APPBP2: variants seen among roughly 807,000 people sequenced by gnomAD.
The protein encoded by APPBP2 is amyloid beta precursor protein binding protein 2, also known as amyloid protein-binding protein 2.
Under a neutral mutation model 76.0 loss-of-function variants are expected in APPBP2, and 15 were observed. That is an observed-to-expected ratio of 0.20 (90% CI 0.13 to 0.30). APPBP2 has a LOEUF of 0.30. APPBP2 is among the 10% of genes least tolerant of loss of function. The probability of loss-of-function intolerance (pLI) is 1.00; values close to 1 mark genes in which losing one functional copy is unlikely to be tolerated. For synonymous variants in APPBP2, 222 were observed against 242.2 expected (o/e 0.92, Z 0.77); for missense variants, 401 against 687.2 (o/e 0.58, Z 4.66).
intron 2 of APPBP2, among the ~76,000 whole-genome samples, chr17:60,495,172 G>C (rs1486818414): frequency 6.6e-6 from 1 of 151,472 alleles, no homozygotes; most frequent in Non-Finnish European, 1.5e-5. Flanking sequence ...ATTTTTAGTA[G>C]AGACAGGGTC....
chr17:60,454,451 C>T lies in APPBP2; in HGVS notation c.1189G>A (p.Glu397Lys), dbSNP rs1163940413. 2 of 1,605,674 alleles carry T rather than the reference C, an allele frequency of 1.2e-6. No individual in the cohort carries two copies. The highest frequency in any genetic ancestry group is 3.4e-5 in the Admixed American group (2 of 58,130). ...TCTTGAAGCAGCCTCTGTTCAGTTT[C>T]CTTATTATGACAATCAATTGCAATC... ...EEIAIDCHNK[E>K]TEQRLLQEAH... Residue 397 changes from glutamate (E) to lysine (K), a missense_variant, in exon 11 of 13, where the codon GAA (glutamate) becomes AAA (lysine). This residue lies in a region of APPBP2 where 130 missense variants were observed against 322.7 expected (regional missense o/e 0.40). Transcript: ENST00000083182.
chr17:60,461,699 G>A, intron 8 of APPBP2, 111 bp downstream of exon 8: 1 of 694,060 alleles, frequency 1.4e-6, no homozygotes, highest in Non-Finnish European at 2.5e-6. Flanking sequence ...TATATTGGTG[G>A]GCGGGGTAGT....
At chr17:60,468,327 G>A (rs554069768) in intron 4 of APPBP2, 1 of 151,974 alleles carries the variant, frequency 6.6e-6, no homozygotes, top group Admixed American at 6.5e-5. Context: ...AAGTCCTTGA[G>A]AAAAAAAGGA....
chr17:60,449,518 C>T (rs772126103), intron 12 of APPBP2, among the ~76,000 whole-genome samples: 12 of 152,160 alleles, frequency 7.9e-5, no homozygotes, highest in Middle Eastern at 3.2e-3. Flanking sequence ...ATCGCTTGAA[C>T]CCAGGAGGTG....
chr17:60,462,650 A>G (rs1257514238), intron 6 of APPBP2: 1 of 152,300 alleles, frequency 6.6e-6, no homozygotes, highest in Admixed American at 6.5e-5. Context: ...TAATTTGCAT[A>G]TAGAAATATA....
intron 4 of APPBP2, among the ~76,000 whole-genome samples, chr17:60,471,997 G>A (rs1446491507): frequency 6.6e-6 from 1 of 152,082 alleles, no homozygotes; most frequent in Non-Finnish European, 1.5e-5. Flanking sequence ...GTGGTGGTGG[G>A]AGCCTGTAAT....
At chr17:60,524,332 G>T (rs1265840412) in intron 1 of APPBP2, among the ~76,000 whole-genome samples, 1 of 152,130 alleles carries the variant, frequency 6.6e-6, no homozygotes, top group African/African-American at 2.4e-5. Context: ...CACACACAAA[G>T]CTGCAGTTTC....
chr17:60,492,238 G>A (rs2090735912), intron 3 of APPBP2, among the ~76,000 whole-genome samples: 2 of 152,216 alleles, frequency 1.3e-5, no homozygotes, highest in Admixed American at 1.3e-4. Context: ...TGCATGTCCA[G>A]GCAGAAGTTT....
chr17:60,506,739 TA>T (rs1008601389), intron 1 of APPBP2, among the ~76,000 whole-genome samples: 1 of 152,080 alleles, frequency 6.6e-6, no homozygotes, highest in East Asian at 1.9e-4. Flanking sequence ...TTTTCTTTTT[TA>T]AAAAAAACAT....
In APPBP2 at chr17:60,497,483, C is replaced by T. The variant is rs115455543; in HGVS notation, c.228-2866G>A. The stretch of plus-strand genomic sequence containing the variant: ...ATAATTTAGTTCTACATTTTAATAA[C>T]TGAAAGAATATAACTGGATTGTCTG... On this transcript the variant is annotated intron_variant, in intron 2 of 12. Transcript: ENST00000083182. Among the ~76,000 whole-genome samples, 677 of 152,078 alleles carry T rather than the reference C, an allele frequency of 4.5e-3. 4 individuals are homozygous for T. The highest frequency in any genetic ancestry group is 0.015 in the African/African-American group (618 of 41,494).
At chr17:60,521,355 A>T (rs2091008492) in intron 1 of APPBP2, among the ~76,000 whole-genome samples, 1 of 152,220 alleles carries the variant, frequency 6.6e-6, no homozygotes, top group Non-Finnish European at 1.5e-5. Context: ...TGTTTATAAC[A>T]TCTACAGTAG....
chr17:60,449,956 C>T (rs529293444), intron 12 of APPBP2, among the ~76,000 whole-genome samples: 73 of 151,966 alleles, frequency 4.8e-4, no homozygotes, highest in African/African-American at 1.7e-3. Flanking sequence ...TGTACCACGC[C>T]CGGCTAATTT....
chr17:60,500,259 A>G, intron 2 of APPBP2, 140 bp downstream of exon 2: 1 of 572,104 alleles, frequency 1.7e-6, no homozygotes, highest in Non-Finnish European at 3.1e-6. Context: ...TGCCCACCTC[A>G]GCCTCCCAAA....
At chr17:60,490,704 C>T (rs182623605) in intron 3 of APPBP2, among the ~76,000 whole-genome samples, 75 of 152,208 alleles carry the variant, frequency 4.9e-4, no homozygotes, top group African/African-American at 1.7e-3. Context: ...TGGGAGGGAC[C>T]TGGTGGGAGA....
intron 1 of APPBP2, among the ~76,000 whole-genome samples, chr17:60,518,790 C>CA (rs1263714654): frequency 1.3e-5 from 2 of 151,988 alleles, no homozygotes; most frequent in African/African-American, 4.8e-5. Flanking sequence ...AAGAGTAAGC[C>CA]ACTGCTCCCT....
At chr17:60,468,760 GA>G (rs1378250656) in intron 4 of APPBP2, among the ~76,000 whole-genome samples, 1 of 152,048 alleles carries the variant, frequency 6.6e-6, no homozygotes, top group Non-Finnish European at 1.5e-5. Context: ...TCTGCCTAAG[GA>G]AAAAGGAGGT....
At position 60,446,409 on chromosome 17, in the gene APPBP2, T is replaced by C. The variant is rs1303043556; in HGVS notation, c.*1172A>G. The C allele has an allele frequency of 6.6e-6, 1 of 152,258 alleles. No individual in the cohort carries two copies. Among genetic ancestry groups the C allele is most frequent in the Non-Finnish European group, 1.5e-5 (1 of 68,026 alleles). 9.4% of individuals were successfully genotyped at this position (152,258 alleles called of 1,614,324 possible). A position where few individuals can be genotyped will look rare whatever the true frequency, so the allele number is the denominator to read the frequency against. On this transcript the variant is annotated 3_prime_UTR_variant, in exon 13 of 13. Coordinates refer to ENST00000083182, the MANE Select transcript of APPBP2 (RefSeq NM_006380.5). ...TTAGGGGATCTTTCCATTTGACTCCTAGATTTCAAATGAAATGACCTAGTT... is the reference window on the plus strand; with the variant it reads ...TTAGGGGATCTTTCCATTTGACTCCCAGATTTCAAATGAAATGACCTAGTT...
intron 1 of APPBP2, among the ~76,000 whole-genome samples, chr17:60,501,852 C>T (rs1429269384): frequency 6.6e-6 from 1 of 152,060 alleles, no homozygotes; most frequent in African/African-American, 2.4e-5. Flanking sequence ...TCACTAGTCA[C>T]AATGGAGGTC....
At chr17:60,520,521 C>T (rs1027635063) in intron 1 of APPBP2, among the ~76,000 whole-genome samples, 6 of 149,584 alleles carry the variant, frequency 4.0e-5, no homozygotes, top group Admixed American at 1.3e-4. Context: ...TGCAGTGAGC[C>T]GACATTGTGC....
Sources: allele counts gnomAD v4.1 joint callset (sites outside exome capture counted in the v4.1 genomes callset), GRCh38; gene constraint gnomAD v4.1.1; regional missense constraint gnomAD v4.1.1; transcripts MANE v1.5; gene names NCBI Gene and HGNC (gene_info 2026-07-23, HGNC 2026-07-21).